TSPAN17: variants seen among roughly 807,000 people sequenced by gnomAD.
TSPAN17 encodes the protein tetraspanin 17.
Under a neutral mutation model 40.5 loss-of-function variants are expected in TSPAN17, and 33 were observed. That is an observed-to-expected ratio of 0.81 (90% confidence interval 0.62 to 1.09). The LOEUF is 1.09. Ranked by LOEUF, TSPAN17 falls within the 50% of genes least tolerant of loss-of-function variation. The probability of loss-of-function intolerance (pLI) is 0.00; values close to 1 mark genes in which losing one functional copy is unlikely to be tolerated. For synonymous variants in TSPAN17, 166 were observed against 169.4 expected (o/e 0.98, Z 0.15); for missense variants, 365 against 416.8 (o/e 0.88, Z 1.08).
Position 176,657,848 on chromosome 5 carries a change from A to G in TSPAN17, c.*150A>G. ...GTTCTACTCACCTAAGTGCCGCCTG[A>G]CCCTTGTACACTAGGAGCTGGCCTC... is the stretch of plus-strand genomic sequence containing the variant. On this transcript the variant is annotated 3_prime_UTR_variant, in exon 9 of 9. Transcript: ENST00000508164. 7.3e-7 allele frequency: 1 copy of G among 1,367,300 alleles called. No homozygotes were observed. The highest frequency in any genetic ancestry group is 9.7e-7 in the Non-Finnish European group (1 of 1,030,980). 84.7% of individuals were successfully genotyped at this position (1,367,300 alleles called of 1,614,324 possible). A position where few individuals can be genotyped will look rare whatever the true frequency, so the allele number is the denominator to read the frequency against.
chr5:176,647,855 A>C, intron 1 of TSPAN17, 153 bp downstream of exon 1: 1 of 678,886 alleles, frequency 1.5e-6, no homozygotes, highest in Non-Finnish European at 2.3e-6. Flanking sequence ...TTCCAGGACC[A>C]CCCGAGGTAG....
chr5:176,652,700 G>A, intron 3 of TSPAN17, 43 bp from the exon 4 acceptor site: 2 of 1,600,818 alleles, frequency 1.2e-6, no homozygotes, highest in Admixed American at 1.7e-5. Flanking sequence ...GGTCACCAGA[G>A]CCCTGCGTTT....
intron 6 of TSPAN17, 45 bp from the exon 7 acceptor site, chr5:176,656,655 G>A (rs755700524): frequency 6.3e-7 from 1 of 1,599,174 alleles, no homozygotes; most frequent in South Asian, 1.1e-5. Context: ...GTGGGAGCCG[G>A]CCTGAAGGGC....
At chr5:176,652,691 G>A (rs1199742142) in intron 3 of TSPAN17, 52 bp from the exon 4 acceptor site, 2 of 1,583,236 alleles carry the variant, frequency 1.3e-6, no homozygotes, top group Non-Finnish European at 1.7e-6. Context: ...GCCCTGGGAG[G>A]TCACCAGAGC....
At chr5:176,655,887 T>G in intron 5 of TSPAN17, among the ~76,000 whole-genome samples, 191 bp from the exon 6 acceptor site, 7 of 145,554 alleles carry the variant, frequency 4.8e-5, no homozygotes, top group Admixed American at 6.9e-5. Flanking sequence ...GGCAATGGAG[T>G]GAGACCCTGT....
rs1378049135 is a variant in TSPAN17, at chr5:176,651,681, G to A, written c.138+15G>A. ...GGGGTGAGAAGGTAAGGCAGCGGGC[G>A]GGCGTGGAGCTGGTATGGGACGAGG... On this transcript the variant is annotated intron_variant, in intron 2 of 8. Coordinates refer to ENST00000508164, the MANE Select transcript of TSPAN17 (RefSeq NM_130465.5). This position sits in a 1 kb window ranked among gnomAD's most constrained non-coding sequence, Gnocchi z 4.5. The A allele has an allele frequency of 2.5e-6, 4 of 1,614,036 alleles. No individual in the cohort carries two copies. In the African/African-American group the frequency reaches 4.0e-5, roughly 16 times the overall value.
At chr5:176,656,565 C>A in intron 6 of TSPAN17, 135 bp from the exon 7 acceptor site, 1 of 809,542 alleles carries the variant, frequency 1.2e-6, no homozygotes, top group Non-Finnish European at 2.1e-6. Flanking sequence ...GAGAAGGAGC[C>A]GGCTTTGTGG....
At position 176,651,494 on chromosome 5, in the gene TSPAN17, C is replaced by T. The variant is rs1308815080; in HGVS notation, c.88-122C>T. 1.0e-5 allele frequency: 11 copies of T among 1,063,854 alleles called. No individual in the cohort carries two copies. The highest frequency in any genetic ancestry group is 9.6e-5 in the African/African-American group (6 of 62,396). 65.9% of individuals were successfully genotyped at this position (1,063,854 alleles called of 1,614,324 possible). A position where few individuals can be genotyped will look rare whatever the true frequency, so the allele number is the denominator to read the frequency against. On this transcript the variant is annotated intron_variant, in intron 1 of 8. Coordinates refer to ENST00000508164, the MANE Select transcript of TSPAN17 (RefSeq NM_130465.5). This position sits in a 1 kb window ranked among gnomAD's most constrained non-coding sequence, Gnocchi z 4.5. ...GGAAGATGGAAAGGACCCCGGATCCCGTTCACAGCCCTTGTGCCTCTTCCT... is the reference window on the plus strand; with the variant it reads ...GGAAGATGGAAAGGACCCCGGATCCTGTTCACAGCCCTTGTGCCTCTTCCT...
rs1443876578 is a variant in TSPAN17, at chr5:176,651,594, C to G, written c.88-22C>G. ...TCCTGGGGCTGCTCCCAGCCCTGAG[C>G]TCTTTGTTGCTGCCCTTGCAGGTGC... is the stretch of plus-strand genomic sequence containing the variant. On this transcript the variant is annotated intron_variant, in intron 1 of 8. Coordinates refer to ENST00000508164, the MANE Select transcript of TSPAN17 (RefSeq NM_130465.5). The surrounding 1 kb of genome is among the most constrained non-coding windows in gnomAD (Gnocchi z 4.5). 1 of 1,607,792 alleles carries G rather than the reference C, an allele frequency of 6.2e-7. No homozygotes were observed. Among genetic ancestry groups the G allele is most frequent in the Non-Finnish European group, 8.5e-7 (1 of 1,176,634 alleles).
At chr5:176,655,122 G>T in intron 5 of TSPAN17, 102 bp downstream of exon 5, 1 of 1,390,278 alleles carries the variant, frequency 7.2e-7, no homozygotes, top group Non-Finnish European at 9.6e-7. Flanking sequence ...CTCTGGGGGC[G>T]TGGATGCTGG....
Position 176,656,893 on chromosome 5 carries a change from A to G in TSPAN17, c.748-2A>G. On this transcript the variant is annotated splice_acceptor_variant, in intron 7 of 8. Transcript: ENST00000508164. LOFTEE classifies it high-confidence loss of function. Reference sequence around the variant, plus strand: ...TCCCCTCACCTGTCCTCTGTCTTACAGATCTTTGGCATCTGCCTGGCCCAG... The same window carrying G: ...TCCCCTCACCTGTCCTCTGTCTTACGGATCTTTGGCATCTGCCTGGCCCAG... The G allele has an allele frequency of 6.2e-7, 1 of 1,614,186 alleles. No individual in the cohort carries two copies. Among genetic ancestry groups the G allele is most frequent in the Non-Finnish European group, 8.5e-7 (1 of 1,180,028 alleles).
intron 8 of TSPAN17, 51 bp downstream of exon 8, chr5:176,657,007 G>A: frequency 1.3e-6 from 2 of 1,584,862 alleles, no homozygotes; most frequent in Non-Finnish European, 1.7e-6. Flanking sequence ...CAGGCCTCTG[G>A]GGGGCCCCCC....
In TSPAN17 at chr5:176,651,705, G is replaced by T. The variant is rs774384046; in HGVS notation, c.138+39G>T. On this transcript the variant is annotated intron_variant, in intron 2 of 8. Coordinates refer to ENST00000508164, the MANE Select transcript of TSPAN17 (RefSeq NM_130465.5). The surrounding 1 kb of genome is among the most constrained non-coding windows in gnomAD (Gnocchi z 4.5). ...CGGGCGTGGAGCTGGTATGGGACGAGGTGGTGGGAAGGTCAGCTCCCCACA... is the reference window on the plus strand; with the variant it reads ...CGGGCGTGGAGCTGGTATGGGACGATGTGGTGGGAAGGTCAGCTCCCCACA... The T allele has an allele frequency of 3.3e-5, 53 of 1,613,934 alleles. No individual in the cohort carries two copies. Among genetic ancestry groups the T allele is most frequent in the Non-Finnish European group, 4.5e-5 (53 of 1,179,924 alleles).
At chr5:176,653,086 A>T in intron 4 of TSPAN17, 173 bp downstream of exon 4, 1 of 647,582 alleles carries the variant, frequency 1.5e-6, no homozygotes, top group Non-Finnish European at 2.6e-6. Context: ...GCTGATCCTT[A>T]TGGGTCCCCA....
At chr5:176,657,457 C>A in intron 8 of TSPAN17, 61 bp from the exon 9 acceptor site, 2 of 1,548,684 alleles carry the variant, frequency 1.3e-6, no homozygotes, top group Non-Finnish European at 1.7e-6. Context: ...CCCACCTCAG[C>A]CTCAGTGTCC....
intron 1 of TSPAN17, among the ~76,000 whole-genome samples, chr5:176,649,687 A>G (rs1255979168): frequency 6.6e-6 from 1 of 152,164 alleles, no homozygotes; most frequent in Non-Finnish European, 1.5e-5. Context: ...TTGGCCTCCC[A>G]AAGTGCTGGG....
Position 176,656,781 on chromosome 5 carries a change from G to T in TSPAN17, c.712G>T (p.Val238Leu). Reference sequence around the variant, plus strand: ...GTGGCTGCAGGACAACCTGATTGTGGTGGCGGGAGTCTTCATGGGCATCGC... The same window carrying T: ...GTGGCTGCAGGACAACCTGATTGTGTTGGCGGGAGTCTTCATGGGCATCGC... The part of the protein sequence containing the change: ...EKWLQDNLIV[V>L]AGVFMGIALL... The change falls in exon 7 of 9, where the codon GTG becomes TTG. Residue 238 changes from valine (V) to leucine (L), a missense_variant. Transcript: ENST00000508164. 6.2e-7 allele frequency: 1 copy of T among 1,614,230 alleles called. No homozygotes were observed. Among genetic ancestry groups the T allele is most frequent in the Admixed American group, 1.7e-5 (1 of 60,034 alleles).
intron 6 of TSPAN17, among the ~76,000 whole-genome samples, chr5:176,656,494 G>T (rs998301133): frequency 6.6e-6 from 1 of 152,190 alleles, no homozygotes; most frequent in African/African-American, 2.4e-5. Flanking sequence ...GAAAATAAGG[G>T]AGGTGATAGG....
Position 176,658,027 on chromosome 5 carries a change from A to T in TSPAN17, c.*329A>T. On this transcript the variant is annotated 3_prime_UTR_variant, in exon 9 of 9. Transcript: ENST00000508164. ...TTGCTGGGGACTGCGGTGGGAGTAG[A>T]GTGCCCAGGAGAGGGTCTGAGGGGT... is the stretch of plus-strand genomic sequence containing the variant. 2 of 208,052 alleles carry T rather than the reference A, an allele frequency of 9.6e-6. No individual in the cohort carries two copies. Among genetic ancestry groups the T allele is most frequent in the Non-Finnish European group, 9.6e-6 (1 of 104,060 alleles). The allele number at this position is 208,052 out of a possible 1,614,324, so 12.9% of individuals were successfully genotyped here.
Sources: gnomAD v4.1 joint callset for allele counts (sites outside exome capture counted in the v4.1 genomes callset) on GRCh38, gnomAD v4.1.1 for gene constraint, Gnocchi (gnomAD v3.1) non-coding constraint, MANE v1.5 for transcripts, NCBI Gene and HGNC (gene_info 2026-07-23, HGNC 2026-07-21) for gene names.